The following LRGUK variants were observed in gnomAD, a reference collection of about 807,000 sequenced individuals.
LRGUK encodes leucine-rich repeat and guanylate kinase domain-containing protein.
A neutral mutation model predicts 76.0 loss-of-function variants in LRGUK; 65 were observed. That is an observed-to-expected ratio of 0.85 (90% CI 0.70 to 1.05). The LOEUF (loss-of-function observed/expected upper bound fraction) is 1.05. Among genes scored for constraint, LRGUK ranks in the 50% least tolerant of loss-of-function variants. The pLI, the probability that LRGUK is intolerant of heterozygous loss-of-function variation, is 0.00. For synonymous variants in LRGUK, 268 were observed against 265.6 expected, an observed-to-expected ratio of 1.01 and a Z score of -0.09; for missense variants, 758 against 732.8, an observed-to-expected ratio of 1.03 and a Z score of -0.40.
rs191406926 is a variant in LRGUK at position 134,147,422 on chromosome 7, G to A, written c.589-816G>A. On this transcript the variant is annotated intron_variant, in intron 4 of 15. Coordinates refer to ENST00000645682, the Ensembl canonical transcript of LRGUK. Reference sequence around the variant, plus strand: ...AGCACTTCAGCCTGAGCGACAGAGCGAGACTCCACCTCAAAAAAAAAAAAA... The same window carrying A: ...AGCACTTCAGCCTGAGCGACAGAGCAAGACTCCACCTCAAAAAAAAAAAAA... 1.1e-4 allele frequency among the ~76,000 whole-genome samples: 16 copies of A among 142,750 alleles called. No individual in the cohort carries two copies. The East Asian group carries it at 2.0e-3, about 18-fold the overall frequency. 93.6% of individuals were successfully genotyped at this position (142,750 alleles called of 152,430 possible).
chr7:134,136,959 A>G, intron 1 of LRGUK, 64 bp from the exon 2 acceptor site: 1 of 1,312,686 alleles, frequency 7.6e-7, no homozygotes, highest in Non-Finnish European at 1.1e-6. Context: ...TGGATATGAC[A>G]AGATAGATTG....
At chr7:134,246,960 T>C (rs993906378) in intron 16 of LRGUK, among the ~76,000 whole-genome samples, 2 of 152,220 alleles carry the variant, frequency 1.3e-5, no homozygotes, top group African/African-American at 4.8e-5. Flanking sequence ...TAAAACAACA[T>C]GTGCCATCTG....
intron 8 of LRGUK, 24 bp downstream of exon 8, chr7:134,174,660 A>G: frequency 7.4e-7 from 1 of 1,343,040 alleles, no homozygotes; most frequent in Non-Finnish European, 1.1e-6. Context: ...TATATCAGGG[A>G]GGGAGACAGA....
chr7:134,242,776 A>G (rs1281102000), intron 16 of LRGUK, among the ~76,000 whole-genome samples: 3 of 152,122 alleles, frequency 2.0e-5, no homozygotes, highest in South Asian at 2.1e-4. Flanking sequence ...ACCAATATCC[A>G]TGATGATCAT....
At chr7:134,202,418 G>A (rs1274516750) in intron 15 of LRGUK, among the ~76,000 whole-genome samples, 1 of 152,016 alleles carries the variant, frequency 6.6e-6, no homozygotes, top group Non-Finnish European at 1.5e-5. Flanking sequence ...TGCTCCTGTG[G>A]GAAACAGTAT....
intron 16 of LRGUK, among the ~76,000 whole-genome samples, chr7:134,223,112 A>G (rs975164734): frequency 3.9e-5 from 6 of 152,056 alleles, no homozygotes; most frequent in Non-Finnish European, 7.4e-5. Flanking sequence ...CCCTGCTTCT[A>G]TTTCCTGCAT....
exon 12 of LRGUK, chr7:134,191,694 G>A (rs747084943): frequency 6.2e-7 from 1 of 1,612,982 alleles, no homozygotes; most frequent in Non-Finnish European, 8.5e-7. Context: ...TTGGAGAAGG[G>A]GATCGAGTTG....
chr7:134,162,690 G>T (rs1023033511), intron 6 of LRGUK, among the ~76,000 whole-genome samples: 1 of 152,114 alleles, frequency 6.6e-6, no homozygotes, highest in Non-Finnish European at 1.5e-5. Context: ...AGCCAGGCAT[G>T]GTGGTGCGTG....
intron 2 of LRGUK, 73 bp downstream of exon 2, chr7:134,137,203 C>T: frequency 9.0e-7 from 1 of 1,105,300 alleles, no homozygotes. Context: ...TTCTTCAGTA[C>T]TCTTAGCTTT....
At chr7:134,239,055 C>T (rs889761916) in intron 16 of LRGUK, among the ~76,000 whole-genome samples, 30 of 152,200 alleles carry the variant, frequency 2.0e-4, no homozygotes, top group Non-Finnish European at 1.6e-4. Context: ...CAAGAATTCA[C>T]GGTTGACCCA....
intron 11 of LRGUK, 87 bp from the exon 12 acceptor site, chr7:134,191,567 AT>A: frequency 1.1e-6 from 1 of 930,600 alleles, no homozygotes; most frequent in Non-Finnish European, 1.7e-6. Context: ...GATTAACTTC[AT>A]TTTTTAAAAC....
intron 16 of LRGUK, among the ~76,000 whole-genome samples, chr7:134,233,982 AT>A (rs913741294): frequency 2.0e-5 from 3 of 152,048 alleles, no homozygotes; most frequent in Admixed American, 6.6e-5. Flanking sequence ...TTTGCAATGT[AT>A]TTTTTTAGCT....
intron 10 of LRGUK, among the ~76,000 whole-genome samples, chr7:134,180,860 A>G (rs752231585): frequency 6.6e-6 from 1 of 152,100 alleles, no homozygotes; most frequent in African/African-American, 2.4e-5. Flanking sequence ...CATTACCCCA[A>G]ACAGAAACTC....
Position 134,197,163 on chromosome 7 carries a change from GTGTA to G in LRGUK, c.1545+62_1545+65del, listed in dbSNP as rs1295357791. The G allele has an allele frequency of 2.3e-5, 21 of 918,246 alleles. No homozygotes were observed. The African/African-American group carries it at 2.9e-4, about 13-fold the overall frequency. The allele number at this position is 918,246 out of a possible 1,614,324, so 56.9% of individuals were successfully genotyped here. A position where few individuals can be genotyped will look rare whatever the true frequency, so the allele number is the denominator to read the frequency against. ...TGTAGTTTGTGTGAGTGTGGTGTGT[GTGTA>G]TGTGTGTGTGTGTGTGTATATATGT... On this transcript the variant is annotated intron_variant, in intron 13 of 15. Transcript: ENST00000645682.
At chr7:134,216,857 C>T (rs1390936787) in intron 15 of LRGUK, among the ~76,000 whole-genome samples, 2 of 152,120 alleles carry the variant, frequency 1.3e-5, no homozygotes, top group Non-Finnish European at 2.9e-5. Flanking sequence ...GAAGTAACAT[C>T]TTTGAAAAGG....
At chr7:134,220,308 G>A (rs750594219) in intron 15 of LRGUK, among the ~76,000 whole-genome samples, 8 of 152,274 alleles carry the variant, frequency 5.3e-5, no homozygotes, top group Non-Finnish European at 8.8e-5. Flanking sequence ...GGGGCTAGGT[G>A]GAACTTTAGA....
intron 9 of LRGUK, among the ~76,000 whole-genome samples, chr7:134,177,858 A>C (rs1451303584): frequency 6.6e-6 from 1 of 152,216 alleles, no homozygotes; most frequent in African/African-American, 2.4e-5. Flanking sequence ...CATTTTGCAA[A>C]AGGAATACAA....
At chr7:134,269,957 GAACAGCTACAA>G in the LRGUK span, among the ~76,000 whole-genome samples, 2 of 152,160 alleles carry the variant, frequency 1.3e-5, no homozygotes, top group Non-Finnish European at 2.9e-5. Context: ...ATTTGCTGAA[GAACAGCTACAA>G]AATACCTACA....
chr7:134,246,137 G>A (rs1421040462), intron 16 of LRGUK, among the ~76,000 whole-genome samples: 1 of 152,162 alleles, frequency 6.6e-6, no homozygotes, highest in Non-Finnish European at 1.5e-5. Flanking sequence ...GCTTGACCTA[G>A]ACTTTTTCAA....
Sources: gnomAD v4.1 joint callset for allele counts (sites outside exome capture counted in the v4.1 genomes callset) on GRCh38, gnomAD v4.1.1 for gene constraint, MANE v1.5 for transcripts, NCBI Gene and HGNC (gene_info 2026-07-23, HGNC 2026-07-21) for gene names.